IFT81: variants seen among roughly 807,000 people sequenced by gnomAD.
IFT81 encodes intraflagellar transport protein 81 homolog.
In IFT81, 72 loss-of-function variants were observed where a neutral mutation model predicts 102.6. That is an observed-to-expected ratio of 0.70 (90% confidence interval 0.58 to 0.85). The LOEUF is 0.85. Among genes scored for constraint, IFT81 ranks in the 40% least tolerant of loss-of-function variants. IFT81 has a pLI of 0.00. For synonymous variants in IFT81, 237 were observed against 242.7 expected, an observed-to-expected ratio of 0.98 and a Z score of 0.22; for missense variants, 723 against 787.3, an observed-to-expected ratio of 0.92 and a Z score of 0.98.
chr12:110,186,066 A>T (rs921758268), intron 12 of IFT81, among the ~76,000 whole-genome samples: 1 of 152,086 alleles, frequency 6.6e-6, no homozygotes, highest in Non-Finnish European at 1.5e-5. Context: ...GTCTGCTTAA[A>T]TCTTCTCAGT....
chr12:110,140,153 T>C (rs955808731), intron 8 of IFT81, among the ~76,000 whole-genome samples: 12 of 152,216 alleles, frequency 7.9e-5, no homozygotes, highest in African/African-American at 2.7e-4. Flanking sequence ...GTGCTGAATA[T>C]GCAGGTTTGC....
chr12:110,216,606 G>A (rs1245837746), intron 18 of IFT81: 1 of 451,312 alleles, frequency 2.2e-6, no homozygotes, highest in Admixed American at 2.4e-5. Context: ...TGCCTTCCAG[G>A]TTCAAGCAAT....
At chr12:110,143,617 C>T in intron 9 of IFT81, 72 bp downstream of exon 9, 1 of 1,227,708 alleles carries the variant, frequency 8.1e-7, no homozygotes, top group Middle Eastern at 2.0e-4. Flanking sequence ...ATGTGAACTG[C>T]TTTCTGTAGT....
intron 2 of IFT81, 28 bp downstream of exon 2, chr12:110,127,552 G>C: frequency 6.4e-7 from 1 of 1,558,360 alleles, no homozygotes; most frequent in Non-Finnish European, 8.6e-7. Context: ...CTTTTTGATG[G>C]GTAGCAGAAA....
intron 14 of IFT81, among the ~76,000 whole-genome samples, chr12:110,197,509 GT>G (rs1196228720): frequency 1.1e-5 from 1 of 89,884 alleles, no homozygotes; most frequent in Non-Finnish European, 2.4e-5. Context: ...CCTTTTTTCT[GT>G]TTTTTTATCT....
At chr12:110,127,980 T>C in intron 2 of IFT81, 66 bp from the exon 3 acceptor site, 3 of 1,116,132 alleles carry the variant, frequency 2.7e-6, no homozygotes, top group Non-Finnish European at 4.1e-6. Flanking sequence ...ATTTTGTCAG[T>C]GAGTTTAAAT....
chr12:110,167,350 G>A (rs1256127289), intron 11 of IFT81, among the ~76,000 whole-genome samples: 2 of 152,078 alleles, frequency 1.3e-5, no homozygotes, highest in Admixed American at 6.6e-5. Flanking sequence ...AGTAGGAATT[G>A]CTTGAACAGT....
chr12:110,172,529 G>A (rs1423580879), intron 11 of IFT81, among the ~76,000 whole-genome samples: 10 of 152,158 alleles, frequency 6.6e-5, no homozygotes, highest in Non-Finnish European at 1.5e-4. Context: ...TGCAATTGCA[G>A]GCGCGCGCCG....
chr12:110,203,851 C>G lies in IFT81; in HGVS notation c.1558-13C>G, dbSNP rs777062148. ...TTTTTCACTTATTCAATCATTTTCC[C>G]TTTTTATACTAGGAACTGACCCAGG... is the stretch of plus-strand genomic sequence containing the variant. On this transcript the variant is annotated splice_polypyrimidine_tract_variant and intron_variant, in intron 14 of 18. Coordinates refer to ENST00000242591, the MANE Select transcript of IFT81 (RefSeq NM_014055.4). 6.3e-7 allele frequency: 1 copy of G among 1,584,554 alleles called. No homozygotes were observed. Among genetic ancestry groups the G allele is most frequent in the Middle Eastern group, 1.7e-4 (1 of 6,016 alleles).
intron 9 of IFT81, among the ~76,000 whole-genome samples, chr12:110,145,651 A>T (rs1208060614): frequency 6.7e-6 from 1 of 149,160 alleles, no homozygotes; most frequent in Non-Finnish European, 1.5e-5. Flanking sequence ...TGGCCAGGCT[A>T]GTCTCTAACT....
Position 110,172,302 on chromosome 12 carries a change from G to GCCTCTGCCT in IFT81, c.1189-8091_1189-8083dup, listed in dbSNP as rs557973551. On this transcript the variant is annotated intron_variant, in intron 11 of 18. Transcript: ENST00000242591. ...AAAATTTGCCTCTGCCTCTGCCTCT[G>GCCTCTGCCT]CCTCTGCCTCCTCTGCCTCCTCTGC... 3.0e-3 allele frequency among the ~76,000 whole-genome samples: 461 copies of GCCTCTGCCT among 151,722 alleles called. 2 individuals are homozygous for GCCTCTGCCT. Among genetic ancestry groups the GCCTCTGCCT allele is most frequent in the African/African-American group, 4.5e-3 (184 of 41,338 alleles).
intron 11 of IFT81, 65 bp from the exon 12 acceptor site, chr12:110,180,357 C>G: frequency 1.0e-6 from 1 of 976,528 alleles, no homozygotes; most frequent in Non-Finnish European, 1.5e-6. Context: ...TGAGTTTATA[C>G]AGATGTATGA....
rs373482141 is a variant in IFT81, at chr12:110,134,949, A to C, written c.521A>C (p.Asp174Ala). The C allele has an allele frequency of 6.2e-6, 10 of 1,607,040 alleles. No individual in the cohort carries two copies. In the African/African-American group the frequency reaches 1.2e-4, roughly 19 times the overall value. ...AAGGTCTTCTTTGCCACTTTTTAGG[A>C]TATCAGTGCAATGGAAGAAGAAAAG... ...SGFSTAEIRK[D>A]ISAMEEEKDQ... is the part of the protein sequence containing the mutation. Residue 174 changes from aspartate to alanine, a missense_variant and splice_region_variant, in exon 6 of 19, where the codon GAT becomes GCT. Coordinates refer to ENST00000242591, the MANE Select transcript of IFT81 (RefSeq NM_014055.4).
intron 11 of IFT81, among the ~76,000 whole-genome samples, chr12:110,170,055 C>T (rs1896662638): frequency 1.3e-5 from 2 of 151,958 alleles, no homozygotes; most frequent in African/African-American, 4.8e-5. Context: ...CGGGTTCACG[C>T]CATTCTCCTG....
Position 110,150,163 on chromosome 12 carries a change from A to G in IFT81, c.1041+3115A>G, listed in dbSNP as rs954955753. Among the ~76,000 whole-genome samples the G allele has an allele frequency of 5.9e-5, 9 of 151,442 alleles. No homozygotes were observed. In the East Asian group the frequency reaches 7.8e-4, roughly 13 times the overall value. On this transcript the variant is annotated intron_variant, in intron 10 of 18. Coordinates refer to ENST00000242591, the MANE Select transcript of IFT81 (RefSeq NM_014055.4). The stretch of plus-strand genomic sequence containing the variant: ...GCTTTGTCACCCAGCCGGGAGTGCA[A>G]TGGCATGATCTTGGCTCACTACAAC...
At chr12:110,216,954 A>G (rs1375782994) in intron 18 of IFT81, 4 of 203,864 alleles carry the variant, frequency 2.0e-5, no homozygotes. Context: ...AAATGTGGAC[A>G]TTTCTCAGGC....
At chr12:110,162,689 T>G (rs1896204032) in intron 10 of IFT81, among the ~76,000 whole-genome samples, 1 of 152,182 alleles carries the variant, frequency 6.6e-6, no homozygotes, top group Non-Finnish European at 1.5e-5. Context: ...TCTTACATTT[T>G]CAGAGCTTTG....
intron 17 of IFT81, among the ~76,000 whole-genome samples, chr12:110,207,678 TC>T (rs1446694828): frequency 2.7e-5 from 4 of 147,536 alleles, no homozygotes; most frequent in African/African-American, 1.0e-4. Context: ...TTCTCCTGCC[TC>T]AGCCTCCTGA....
In IFT81 at chr12:110,203,851, C is replaced by T; in HGVS notation, c.1558-13C>T. 6.3e-7 allele frequency: 1 copy of T among 1,584,676 alleles called. No individual in the cohort carries two copies. The highest frequency in any genetic ancestry group is 2.2e-5 in the East Asian group (1 of 44,744). On this transcript the variant is annotated splice_polypyrimidine_tract_variant and intron_variant, in intron 14 of 18. Coordinates refer to ENST00000242591, the MANE Select transcript of IFT81 (RefSeq NM_014055.4). ...TTTTTCACTTATTCAATCATTTTCC[C>T]TTTTTATACTAGGAACTGACCCAGG...
Sources: gnomAD v4.1 joint callset for allele counts (sites outside exome capture counted in the v4.1 genomes callset) on GRCh38, gnomAD v4.1.1 for gene constraint, MANE v1.5 for transcripts, NCBI Gene and HGNC (gene_info 2026-07-23, HGNC 2026-07-21) for gene names.